The following LILRA1 variants were observed in gnomAD, a reference collection of about 807,000 sequenced individuals.
The protein encoded by LILRA1 is leukocyte immunoglobulin like receptor A1.
In LILRA1, 51 loss-of-function variants were observed where a neutral mutation model predicts 51.6. The observed-to-expected ratio is 0.99, with a 90% CI of 0.79 to 1.25. The LOEUF is 1.25. LILRA1 is among the 50% of genes most tolerant of loss of function. The probability of loss-of-function intolerance (pLI) is 0.00; values close to 1 mark genes in which losing one functional copy is unlikely to be tolerated. For synonymous variants in LILRA1, 305 were observed against 248.4 expected, an observed-to-expected ratio of 1.23 and a Z score of -2.14; for missense variants, 660 against 611.7, an observed-to-expected ratio of 1.08 and a Z score of -0.83.
At chr19:54,596,620 C>T (rs571003361) in intron 7 of LILRA1, 129 bp downstream of exon 7, 2 of 1,330,078 alleles carry the variant, frequency 1.5e-6, no homozygotes, top group East Asian at 2.4e-5. Flanking sequence ...GTAATCCCAG[C>T]ACTTTGGGAG....
chr19:54,599,326 G>C (rs1227831803), intron 8 of LILRA1, 40 bp downstream of exon 8: 1 of 1,540,470 alleles, frequency 6.5e-7, no homozygotes, highest in Non-Finnish European at 8.8e-7. Flanking sequence ...GCTGGGCACA[G>C]AGGGTCAGGT....
rs754688726 is a variant in LILRA1, at chr19:54,600,819, A to T, written c.*2A>T. Reference sequence around the variant, plus strand: ...CAGCACAGCCAGAGAAGCCTCTGAGATGCAGCCGGGAGGTGAACAGCAGAG... The same window carrying T: ...CAGCACAGCCAGAGAAGCCTCTGAGTTGCAGCCGGGAGGTGAACAGCAGAG... On this transcript the variant is annotated 3_prime_UTR_variant, in exon 10 of 10. Coordinates refer to ENST00000251372, the MANE Select transcript of LILRA1 (RefSeq NM_006863.4). The T allele has an allele frequency of 6.2e-7, 1 of 1,614,010 alleles. No homozygotes were observed. Among genetic ancestry groups the T allele is most frequent in the Non-Finnish European group, 8.5e-7 (1 of 1,179,912 alleles).
chr19:54,599,684 T>C (rs191058174), intron 8 of LILRA1: 90 of 689,122 alleles, frequency 1.3e-4, no homozygotes, highest in Non-Finnish European at 1.5e-4. Context: ...TATATGTTAC[T>C]ACATCTTAAA....
chr19:54,594,149 T>C, intron 1 of LILRA1, 48 bp from the exon 2 acceptor site: 2 of 1,135,306 alleles, frequency 1.8e-6, no homozygotes, highest in Non-Finnish European at 2.6e-6. Context: ...CCACACTGGG[T>C]GGGAAGGAGG....
At position 54,601,131 on chromosome 19, in the gene LILRA1, C is replaced by T; in HGVS notation, c.*314C>T. The T allele has an allele frequency of 4.3e-6, 2 of 467,352 alleles. No homozygotes were observed. The highest frequency in any genetic ancestry group is 7.8e-6 in the Non-Finnish European group (2 of 255,112). The allele number at this position is 467,352 out of a possible 1,614,324, so 29.0% of individuals were successfully genotyped here. ...TACATCCCACATGGCAGCGTTGGGT[C>T]CACACCTCTGCACATCTGTGTGCTC... On this transcript the variant is annotated 3_prime_UTR_variant, in exon 10 of 10. Transcript: ENST00000251372.
Position 54,595,256 on chromosome 19 carries a change from C to T in LILRA1, c.515C>T (p.Pro172Leu), listed in dbSNP as rs1600263385. The change falls in exon 5 of 10, where the codon CCC (proline) becomes CTC (leucine). Residue 172 changes from proline to leucine, a missense_variant. By Grantham distance (98) the Pro-to-Leu change is moderately conservative. Transcript: ENST00000251372. ...CACCCACAATGCCTGAACTCACAGCCCCGTACCCATGGGTGGTCCCGGGCC... is the reference window on the plus strand; with the variant it reads ...CACCCACAATGCCTGAACTCACAGCTCCGTACCCATGGGTGGTCCCGGGCC... ...DEHPQCLNSQ[P>L]RTHGWSRAIF... The T allele has an allele frequency of 6.2e-6, 10 of 1,614,078 alleles. No individual in the cohort carries two copies. The highest frequency in any genetic ancestry group is 2.2e-5 in the East Asian group (1 of 44,874).
At chr19:54,595,020 A>G (rs1343442784) in intron 4 of LILRA1, 68 bp downstream of exon 4, 10 of 1,596,766 alleles carry the variant, frequency 6.3e-6, no homozygotes, top group Non-Finnish European at 7.7e-6. Context: ...TCTCAGGGGC[A>G]TCTCCCTCTC....
rs1382736688 is a variant in LILRA1, at chr19:54,594,881, A to G, written c.287A>G (p.Tyr96Cys). The G allele has an allele frequency of 6.2e-7, 1 of 1,614,036 alleles. No homozygotes were observed. Among genetic ancestry groups the G allele is most frequent in the East Asian group, 2.2e-5 (1 of 44,890 alleles). ...PSITWEHTGRYRCFYGSHTAG... is the reference protein window; with the variant it reads ...PSITWEHTGRCRCFYGSHTAG... ...ATCACCTGGGAACACACAGGGCGGT[A>G]TCGCTGTTTCTACGGTAGCCACACT... Residue 96 changes from tyrosine (Y) to cysteine (C), a missense_variant, in exon 4 of 10, where the codon TAT becomes TGT. Physicochemically the swap from Tyr to Cys is radical, Grantham distance 194 (BLOSUM62 -2). Coordinates refer to ENST00000251372, the MANE Select transcript of LILRA1 (RefSeq NM_006863.4).
At chr19:54,594,639 G>A (rs201121747) in intron 3 of LILRA1, 26 bp from the exon 4 acceptor site, 7 of 1,610,468 alleles carry the variant, frequency 4.3e-6, no homozygotes, top group Non-Finnish European at 5.9e-6. Context: ...AAATGACTTA[G>A]AATCTGAACT....
Position 54,594,489 on chromosome 19 carries a change from C to A in LILRA1, c.70+13C>A. 1.9e-6 allele frequency: 3 copies of A among 1,614,110 alleles called. No homozygotes were observed. Among genetic ancestry groups the A allele is most frequent in the Non-Finnish European group, 2.5e-6 (3 of 1,180,006 alleles). On this transcript the variant is annotated intron_variant, in intron 3 of 9. Coordinates refer to ENST00000251372, the MANE Select transcript of LILRA1 (RefSeq NM_006863.4). ...CACGTGCAGGCAGGTGAGTCTGTCC[C>A]CAGCTCTCCCAGGTCCCTCCTCCTC...
intron 7 of LILRA1, 75 bp downstream of exon 7, chr19:54,596,566 A>G: frequency 6.3e-7 from 1 of 1,581,048 alleles, no homozygotes; most frequent in Non-Finnish European, 8.6e-7. Context: ...AGCTCTGGAC[A>G]CTAAGAAAAG....
chr19:54,594,689 G>C lies in LILRA1; in HGVS notation c.95G>C (p.Trp32Ser). The change falls in exon 4 of 10, where the codon TGG (tryptophan) becomes TCG (serine). Residue 32 changes from tryptophan to serine, a missense_variant. Coordinates refer to ENST00000251372, the MANE Select transcript of LILRA1 (RefSeq NM_006863.4). ...GGGACCCTCCCCAAGCCCACACTCT[G>C]GGCTGAGCCAGGCTCTGTGATCACC... ...QAGTLPKPTL[W>S]AEPGSVITQG... is the part of the protein sequence containing the mutation. 1 of 1,613,496 alleles carries C rather than the reference G, an allele frequency of 6.2e-7. No homozygotes were observed. Among genetic ancestry groups the C allele is most frequent in the Non-Finnish European group, 8.5e-7 (1 of 1,179,730 alleles).
At chr19:54,594,088 G>A (rs2062965254) in intron 1 of LILRA1, 109 bp from the exon 2 acceptor site, 7 of 1,219,148 alleles carry the variant, frequency 5.7e-6, no homozygotes, top group Non-Finnish European at 8.1e-6. Context: ...TCTGCTTCCT[G>A]TGTGGCTGCA....
intron 7 of LILRA1, among the ~76,000 whole-genome samples, chr19:54,597,198 C>T (rs1600271181): frequency 6.6e-6 from 1 of 151,922 alleles, no homozygotes; most frequent in East Asian, 1.9e-4. Context: ...AGTTTCTAGA[C>T]TCATCTCAAT....
At chr19:54,596,076 G>C (rs1340336097) in intron 6 of LILRA1, 113 bp from the exon 7 acceptor site, 1 of 1,371,556 alleles carries the variant, frequency 7.3e-7, no homozygotes, top group African/African-American at 1.5e-5. Flanking sequence ...GGGCGGGGCG[G>C]GGAAGACTCA....
intron 7 of LILRA1, 121 bp from the exon 8 acceptor site, chr19:54,599,115 C>G (rs2063118809): frequency 8.2e-7 from 1 of 1,213,726 alleles, no homozygotes; most frequent in African/African-American, 1.6e-5. Flanking sequence ...TTTTAAATGT[C>G]TACCCAGGAC....
At chr19:54,598,869 C>A (rs1003331553) in intron 7 of LILRA1, among the ~76,000 whole-genome samples, 1 of 152,146 alleles carries the variant, frequency 6.6e-6, no homozygotes, top group Non-Finnish European at 1.5e-5. Context: ...AATCTTGGCT[C>A]ACTGCAACCT....
At chr19:54,596,549 C>G (rs1027671636) in intron 7 of LILRA1, 58 bp downstream of exon 7, 9 of 1,605,626 alleles carry the variant, frequency 5.6e-6, no homozygotes, top group Admixed American at 1.7e-5. Context: ...GCCCTGCCCC[C>G]CAGGAGAGCT....
chr19:54,597,836 C>T (rs2063090840), intron 7 of LILRA1, among the ~76,000 whole-genome samples: 1 of 151,132 alleles, frequency 6.6e-6, no homozygotes, highest in Non-Finnish European at 1.5e-5. Flanking sequence ...ATGAGTGATA[C>T]ACAACACGTG....
Sources: gnomAD v4.1 joint callset for allele counts (sites outside exome capture counted in the v4.1 genomes callset) on GRCh38, gnomAD v4.1.1 for gene constraint, MANE v1.5 for transcripts, NCBI Gene and HGNC (gene_info 2026-07-23, HGNC 2026-07-21) for gene names.